SKIC2: variants seen among roughly 807,000 people sequenced by gnomAD.
SKIC2 encodes superkiller complex protein 2.
chr6:31,969,281 G>C, the SKIC2 span: 1 of 1,614,152 alleles, frequency 6.2e-7, no homozygotes, highest in Non-Finnish European at 8.5e-7. The surrounding 1 kb of genome is among the most constrained non-coding windows in gnomAD (Gnocchi z 6.1). Context: ...TTCCTGCAGG[G>C]AATAGAACGT....
chr6:31,966,036 C>T, the SKIC2 span: 15 of 1,455,134 alleles, frequency 1.0e-5, no homozygotes, highest in Non-Finnish European at 1.4e-5. This position sits in a 1 kb window ranked among gnomAD's most constrained non-coding sequence, Gnocchi z 5.9. Context: ...GCATGCTCGG[C>T]AGGGCCCCAG....
the SKIC2 span, chr6:31,968,670 G>A: frequency 6.2e-6 from 10 of 1,603,268 alleles, no homozygotes; most frequent in African/African-American, 1.3e-5. This position sits in a 1 kb window ranked among gnomAD's most constrained non-coding sequence, Gnocchi z 6.1. Flanking sequence ...GAAGGCTGAC[G>A]GGTGGCTCTC....
the SKIC2 span, chr6:31,962,065 C>G: frequency 6.2e-7 from 1 of 1,611,318 alleles, no homozygotes; most frequent in Non-Finnish European, 8.5e-7. The surrounding 1 kb of genome is among the most constrained non-coding windows in gnomAD (Gnocchi z 5.0). Context: ...GTATGAGTTC[C>G]TTTGCCAACC....
At chr6:31,959,816 C>T in the SKIC2 span, 2 of 597,224 alleles carry the variant, frequency 3.3e-6, no homozygotes, top group Non-Finnish European at 6.0e-6. Flanking sequence ...ATTCCTAGGT[C>T]CAGCCTCCAT....
At chr6:31,962,454 G>A in the SKIC2 span, 5 of 1,614,064 alleles carry the variant, frequency 3.1e-6, no homozygotes, top group African/African-American at 2.7e-5. The surrounding 1 kb of genome is among the most constrained non-coding windows in gnomAD (Gnocchi z 5.0). Context: ...TCTACACTTC[G>A]CCCATCAAGG....
chr6:31,960,459 G>A, the SKIC2 span: 4 of 1,613,984 alleles, frequency 2.5e-6, no homozygotes, highest in African/African-American at 1.3e-5. Flanking sequence ...AAATCTCTCG[G>A]CTACAACCTC....
At chr6:31,960,618 C>T in the SKIC2 span, 9 of 1,577,648 alleles carry the variant, frequency 5.7e-6, no homozygotes, top group South Asian at 1.1e-5. Flanking sequence ...CCACCTATCT[C>T]GTATTACCCT....
the SKIC2 span, chr6:31,964,178 G>A: frequency 6.2e-6 from 10 of 1,608,582 alleles, no homozygotes; most frequent in Non-Finnish European, 8.5e-6. This position sits in a 1 kb window ranked among gnomAD's most constrained non-coding sequence, Gnocchi z 5.0. Context: ...CAGACTGGTG[G>A]GGATAGGGTG....
the SKIC2 span, chr6:31,964,241 A>G: frequency 2.5e-6 from 4 of 1,612,968 alleles, no homozygotes; most frequent in Non-Finnish European, 2.5e-6. This position sits in a 1 kb window ranked among gnomAD's most constrained non-coding sequence, Gnocchi z 5.0. Context: ...GGTCCTGCAC[A>G]TGTCAGAGCT....
the SKIC2 span, chr6:31,961,013 GACC>G: frequency 3.3e-6 from 5 of 1,535,876 alleles, no homozygotes; most frequent in Non-Finnish European, 4.5e-6. Flanking sequence ...AGTGTGCAGT[GACC>G]TGATTTCATG....
chr6:31,959,900 CT>C, the SKIC2 span: 3 of 789,994 alleles, frequency 3.8e-6, no homozygotes, highest in Non-Finnish European at 4.3e-6. Context: ...TTGTCCTAGT[CT>C]GTTTGACACA....
At chr6:31,965,959 C>T in the SKIC2 span, 69 of 1,612,038 alleles carry the variant, frequency 4.3e-5, no homozygotes, top group Non-Finnish European at 1.1e-5. The surrounding 1 kb of genome is among the most constrained non-coding windows in gnomAD (Gnocchi z 5.6). Flanking sequence ...GCACCGTTAT[C>T]CTGCTCTGCA....
the SKIC2 span, chr6:31,968,602 G>A: frequency 6.4e-7 from 1 of 1,555,398 alleles, no homozygotes; most frequent in Non-Finnish European, 8.9e-7. This position sits in a 1 kb window ranked among gnomAD's most constrained non-coding sequence, Gnocchi z 6.1. Context: ...GTCCCCTGTA[G>A]ACTGACCGCC....
the SKIC2 span, chr6:31,968,190 G>C: frequency 6.6e-7 from 1 of 1,519,218 alleles, no homozygotes; most frequent in African/African-American, 1.4e-5. The surrounding 1 kb of genome is among the most constrained non-coding windows in gnomAD (Gnocchi z 6.1). Flanking sequence ...GAAGTGGTGG[G>C]GTTGTAGTGA....
chr6:31,963,983 C>T, the SKIC2 span: 1 of 1,612,594 alleles, frequency 6.2e-7, no homozygotes. The surrounding 1 kb of genome is among the most constrained non-coding windows in gnomAD (Gnocchi z 5.3). Flanking sequence ...GTGGTGTTCA[C>T]CTTCTCCCGG....
At chr6:31,962,858 C>G in the SKIC2 span, 1 of 1,373,354 alleles carries the variant, frequency 7.3e-7, no homozygotes, top group Non-Finnish European at 1.0e-6. This position sits in a 1 kb window ranked among gnomAD's most constrained non-coding sequence, Gnocchi z 5.0. Context: ...AGTTGAGCGT[C>G]TCCCTTATTC....
chr6:31,964,591 G>A, the SKIC2 span, among the ~76,000 whole-genome samples: 1,352 of 152,294 alleles, frequency 8.9e-3, 9 homozygotes, highest in Middle Eastern at 0.078. The surrounding 1 kb of genome is among the most constrained non-coding windows in gnomAD (Gnocchi z 5.0). Flanking sequence ...ATATGAATAC[G>A]TAGGTCTCAG....
the SKIC2 span, chr6:31,961,801 GC>G: frequency 1.9e-6 from 3 of 1,552,282 alleles, no homozygotes; most frequent in East Asian, 6.8e-5. Flanking sequence ...CTCAGTCCCA[GC>G]CTCGGCTGGC....
chr6:31,967,043 G>A, the SKIC2 span: 7 of 1,613,048 alleles, frequency 4.3e-6, no homozygotes, highest in Non-Finnish European at 5.9e-6. This position sits in a 1 kb window ranked among gnomAD's most constrained non-coding sequence, Gnocchi z 4.9. Flanking sequence ...CAAGAGGCTG[G>A]GAGCTTTGGA....
Sources: allele counts gnomAD v4.1 joint callset (sites outside exome capture counted in the v4.1 genomes callset), GRCh38; gene constraint gnomAD v4.1.1; non-coding constraint Gnocchi (gnomAD v3.1); transcripts MANE v1.5; gene names NCBI Gene and HGNC (gene_info 2026-07-23, HGNC 2026-07-21).